The following ATG7 variants were observed in gnomAD, a reference collection of about 807,000 sequenced individuals.
ATG7 encodes ubiquitin-like modifier-activating enzyme ATG7.
ATG7 carries 70 observed loss-of-function variants against 82.4 expected under a neutral mutation model. That is an observed-to-expected ratio of 0.85 (90% CI 0.70 to 1.04). The LOEUF is 1.04. ATG7 is among the 50% of genes least tolerant of loss of function. ATG7 has a pLI of 0.00. For missense variants in ATG7, 792 were observed against 864.3 expected, an observed-to-expected ratio of 0.92 and a Z score of 1.05; for synonymous variants, 287 against 313.0, an observed-to-expected ratio of 0.92 and a Z score of 0.88.
intron 19 of ATG7, among the ~76,000 whole-genome samples, chr3:11,396,130 AG>A (rs917882796): frequency 2.0e-5 from 3 of 151,478 alleles, no homozygotes; most frequent in Non-Finnish European, 4.4e-5. Flanking sequence ...AAAAAAAAAA[AG>A]TATAGAAAGT....
chr3:11,330,542 A>G (rs1339546850), intron 9 of ATG7, among the ~76,000 whole-genome samples: 2 of 152,132 alleles, frequency 1.3e-5, no homozygotes, highest in African/African-American at 2.4e-5. Context: ...CTGATATTAT[A>G]AGATGCTCCA....
chr3:11,540,501 C>A (rs970366517), intron 20 of ATG7, among the ~76,000 whole-genome samples: 7 of 152,040 alleles, frequency 4.6e-5, no homozygotes, highest in Non-Finnish European at 8.8e-5. Context: ...ATTCACTGGG[C>A]ATGGTGGTGC....
intron 20 of ATG7, among the ~76,000 whole-genome samples, chr3:11,537,409 G>A (rs748557225): frequency 7.9e-5 from 12 of 152,174 alleles, no homozygotes; most frequent in African/African-American, 2.9e-4. Flanking sequence ...GGGCAGGGAC[G>A]GACGCACCTG....
At chr3:11,372,831 TGTGTGCGTGC>T (rs1227149107) in intron 18 of ATG7, among the ~76,000 whole-genome samples, 7 of 116,148 alleles carry the variant, frequency 6.0e-5, no homozygotes, top group Non-Finnish European at 8.8e-5. Flanking sequence ...CGTGTGCGTG[TGTGTGCGTGC>T]GTGCGTGTGC....
Position 11,358,629 on chromosome 3 carries a change from A to G in ATG7, c.1479+17A>G. On this transcript the variant is annotated intron_variant, in intron 15 of 20. Transcript: ENST00000693202. ...AAGAGAAAGGTAGGCCCTGTCTCTA[A>G]TTATGATTTATGATTTAATGCACCA... The G allele has an allele frequency of 6.2e-7, 1 of 1,608,226 alleles. No homozygotes were observed. The highest frequency in any genetic ancestry group is 8.5e-7 in the Non-Finnish European group (1 of 1,177,596).
intron 19 of ATG7, among the ~76,000 whole-genome samples, chr3:11,390,084 A>AACCTCCT (rs2078670748): frequency 6.6e-6 from 1 of 152,194 alleles, no homozygotes; most frequent in Non-Finnish European, 1.5e-5. Context: ...GTTGTGTTGA[A>AACCTCCT]ACCTCCTACG....
At chr3:11,346,446 A>G (rs1257565057) in intron 13 of ATG7, 1 of 152,200 alleles carries the variant, frequency 6.6e-6, no homozygotes, top group Non-Finnish European at 1.5e-5. Context: ...CCACTTTAAC[A>G]TTCTCAATCA....
chr3:11,457,207 T>C (rs1203534137), intron 20 of ATG7, among the ~76,000 whole-genome samples: 1 of 152,176 alleles, frequency 6.6e-6, no homozygotes, highest in Non-Finnish European at 1.5e-5. Flanking sequence ...AGCAGCTGTC[T>C]TTGGTTCTAC....
At chr3:11,468,121 A>G (rs373567860) in intron 20 of ATG7, among the ~76,000 whole-genome samples, 12 of 152,244 alleles carry the variant, frequency 7.9e-5, no homozygotes, top group East Asian at 7.7e-4. Context: ...ATTCAGCTAT[A>G]GAAGAGCGTG....
intron 5 of ATG7, chr3:11,304,574 C>A (rs959476762): frequency 6.6e-6 from 1 of 152,178 alleles, no homozygotes; most frequent in Admixed American, 6.5e-5. Context: ...AGGTGCTCTT[C>A]CAGAGGATTT....
chr3:11,307,037 C>T lies in ATG7; in HGVS notation c.310C>T (p.Leu104Phe). The change falls in exon 6 of 21, where the codon CTT becomes TTT. Residue 104 changes from leucine (L) to phenylalanine (F), a missense_variant. Leu to Phe is a conservative substitution (Grantham distance 22). Coordinates refer to ENST00000693202, the MANE Select transcript of ATG7 (RefSeq NM_001349232.2). The part of the protein sequence containing the change: ...ESFKTADKKL[L>F]LEQAANEIWE... ...TTTCAAGACTGCAGATAAGAAGCTC[C>T]TTTTGGAACAAGCAGCAAATGAGGT... 2 of 1,613,898 alleles carry T rather than the reference C, an allele frequency of 1.2e-6. No homozygotes were observed. The highest frequency in any genetic ancestry group is 1.7e-5 in the Admixed American group (1 of 60,000).
At chr3:11,477,451 C>A in intron 20 of ATG7, 1 of 481,178 alleles carries the variant, frequency 2.1e-6, no homozygotes, top group Non-Finnish European at 2.8e-6. Context: ...ATGTTTTCTC[C>A]CTCTAATTTA....
intron 19 of ATG7, among the ~76,000 whole-genome samples, chr3:11,422,599 C>A (rs1214653366): frequency 5.3e-5 from 8 of 152,094 alleles, no homozygotes. Flanking sequence ...TTTGTGTGTT[C>A]ATTGGAGTAG....
the ATG7 span, among the ~76,000 whole-genome samples, chr3:11,571,956 A>C: frequency 6.6e-6 from 1 of 152,008 alleles, no homozygotes; most frequent in Non-Finnish European, 1.5e-5. Context: ...AAAATACAAA[A>C]ATTATCTGGG....
intron 20 of ATG7, among the ~76,000 whole-genome samples, chr3:11,543,854 A>G (rs2071042966): frequency 6.6e-6 from 1 of 151,932 alleles, no homozygotes. Flanking sequence ...GAGGGGGAGG[A>G]CCCATTTCAT....
intron 20 of ATG7, among the ~76,000 whole-genome samples, chr3:11,470,720 G>A (rs865812323): frequency 4.7e-4 from 71 of 152,186 alleles, no homozygotes; most frequent in African/African-American, 1.6e-3. Flanking sequence ...GGCCACAGGG[G>A]CCACCAGAGG....
At chr3:11,483,119 G>A (rs1209885546) in intron 20 of ATG7, among the ~76,000 whole-genome samples, 1 of 152,144 alleles carries the variant, frequency 6.6e-6, no homozygotes, top group East Asian at 1.9e-4. Context: ...AACCAAAGTA[G>A]TGGTAAATTT....
intron 18 of ATG7, among the ~76,000 whole-genome samples, chr3:11,367,250 G>A (rs1177990198): frequency 1.3e-5 from 2 of 152,196 alleles, no homozygotes; most frequent in South Asian, 2.1e-4. Flanking sequence ...ATGCCCTGTT[G>A]CAAACTCAGC....
intron 19 of ATG7, among the ~76,000 whole-genome samples, chr3:11,418,818 C>T (rs1273446892): frequency 1.3e-5 from 2 of 152,064 alleles, no homozygotes; most frequent in East Asian, 3.8e-4. Context: ...CTGGGGAGGC[C>T]TCAGGAAACT....
Sources: gnomAD v4.1 joint callset for allele counts (sites outside exome capture counted in the v4.1 genomes callset) on GRCh38, gnomAD v4.1.1 for gene constraint, MANE v1.5 for transcripts, NCBI Gene and HGNC (gene_info 2026-07-23, HGNC 2026-07-21) for gene names.